RAD18: variants seen among roughly 807,000 people sequenced by gnomAD.
RAD18 encodes the protein E3 ubiquitin-protein ligase RAD18.
RAD18 carries 47 observed loss-of-function variants against 60.4 expected under a neutral mutation model. The ratio of observed to expected loss-of-function variants is 0.78; its 90% CI spans 0.62 to 0.99. The LOEUF (loss-of-function observed/expected upper bound fraction) is 0.99, where lower values mean the gene tolerates loss of function less well. Among genes scored for constraint, RAD18 ranks in the 50% least tolerant of loss-of-function variants. RAD18 has a pLI of 0.00. For synonymous variants in RAD18, 225 were observed against 195.5 expected (o/e 1.15, Z -1.26); for missense variants, 640 against 593.3 (o/e 1.08, Z -0.82).
At chr3:8,901,214 A>G (rs1465444974) in intron 10 of RAD18, among the ~76,000 whole-genome samples, 2 of 152,220 alleles carry the variant, frequency 1.3e-5, no homozygotes, top group African/African-American at 4.8e-5. Context: ...TGGAACCCTC[A>G]TGCTTCGCTG....
intron 11 of RAD18, among the ~76,000 whole-genome samples, chr3:8,894,936 T>C (rs1023276679): frequency 3.9e-5 from 6 of 151,976 alleles, no homozygotes; most frequent in Admixed American, 6.6e-5. Flanking sequence ...AATTTTTATA[T>C]TTTTAGTAAA....
chr3:8,905,499 T>A (rs138849614), intron 9 of RAD18, among the ~76,000 whole-genome samples: 51 of 152,290 alleles, frequency 3.3e-4, no homozygotes, highest in African/African-American at 1.2e-3. Flanking sequence ...CTGAGATACT[T>A]CTTCTACTTT....
At chr3:8,929,202 G>C (rs1205695246) in intron 7 of RAD18, among the ~76,000 whole-genome samples, 2 of 151,764 alleles carry the variant, frequency 1.3e-5, no homozygotes, top group East Asian at 1.9e-4. Flanking sequence ...TAAACCTAAA[G>C]TAAGTAGAAA....
rs370466033 is a variant in RAD18, at chr3:8,920,211, G to A, written c.890-6491C>T. 9.7e-4 allele frequency among the ~76,000 whole-genome samples: 146 copies of A among 151,054 alleles called. 1 individual carries two copies. The South Asian group carries it at 0.023, about 23-fold the overall frequency. ...GGAGAATGGCGTGAACCTGGGAGGC[G>A]GAGCTTGCAGTGAGCCGAGATCGTG... On this transcript the variant is annotated intron_variant, in intron 7 of 12. Coordinates refer to ENST00000264926, the MANE Select transcript of RAD18 (RefSeq NM_020165.4).
In RAD18 at chr3:8,941,455, A is replaced by G. The variant is rs751471295; in HGVS notation, c.604+12T>C. ...GATGTCCATATTTCCACATATGAAA[A>G]TAACTTCCTACCTTTAGTAACTTGT... On this transcript the variant is annotated intron_variant, in intron 5 of 12. Coordinates refer to ENST00000264926, the MANE Select transcript of RAD18 (RefSeq NM_020165.4). 2 of 1,557,786 alleles carry G rather than the reference A, an allele frequency of 1.3e-6. No homozygotes were observed. The highest frequency in any genetic ancestry group is 1.8e-6 in the Non-Finnish European group (2 of 1,139,156).
intron 9 of RAD18, 31 bp from the exon 10 acceptor site, chr3:8,902,551 T>C (rs750699762): frequency 2.7e-5 from 43 of 1,571,922 alleles, no homozygotes; most frequent in Admixed American, 3.7e-5. Flanking sequence ...TCAGTAAAGC[T>C]AGGACTATGA....
At chr3:8,945,340 A>G (rs962988511) in intron 4 of RAD18, among the ~76,000 whole-genome samples, 6 of 152,266 alleles carry the variant, frequency 3.9e-5, no homozygotes, top group African/African-American at 1.2e-4. Context: ...GCTTTGTTCA[A>G]CAAGAGACCA....
In RAD18 at chr3:8,915,851, G is replaced by A. The variant is rs530832831; in HGVS notation, c.890-2131C>T. 5.3e-5 allele frequency among the ~76,000 whole-genome samples: 8 copies of A among 152,216 alleles called. No homozygotes were observed. The South Asian group carries it at 1.7e-3, about 32-fold the overall frequency. On this transcript the variant is annotated intron_variant, in intron 7 of 12. Coordinates refer to ENST00000264926, the MANE Select transcript of RAD18 (RefSeq NM_020165.4). ...ACCCGCCTCGGCCTCCCAAAGTGCT[G>A]GGATTACAGGCGTGAGCCACCGCAC... is the stretch of plus-strand genomic sequence containing the variant.
At chr3:8,957,494 A>G (rs1941033486) in intron 2 of RAD18, among the ~76,000 whole-genome samples, 1 of 152,232 alleles carries the variant, frequency 6.6e-6, no homozygotes. Flanking sequence ...GCATATAAGC[A>G]TTTTAAAATA....
At chr3:8,922,249 C>T (rs748668789) in intron 7 of RAD18, among the ~76,000 whole-genome samples, 2 of 152,240 alleles carry the variant, frequency 1.3e-5, no homozygotes, top group African/African-American at 2.4e-5. Flanking sequence ...TACTACTGCA[C>T]TTCTCCAACG....
intron 7 of RAD18, chr3:8,931,363 G>A (rs947505929): frequency 1.3e-5 from 2 of 152,134 alleles, no homozygotes; most frequent in Non-Finnish European, 2.9e-5. Context: ...AAGTAAAGGA[G>A]GCCTAAAGAG....
intron 9 of RAD18, among the ~76,000 whole-genome samples, chr3:8,908,574 C>A (rs1940053213): frequency 6.6e-6 from 1 of 152,122 alleles, no homozygotes; most frequent in African/African-American, 2.4e-5. Flanking sequence ...GCCTCCAGAA[C>A]CCTGCTGACA....
intron 7 of RAD18, among the ~76,000 whole-genome samples, chr3:8,934,647 T>C (rs1046514986): frequency 3.3e-5 from 5 of 152,228 alleles, no homozygotes; most frequent in African/African-American, 1.2e-4. Context: ...TGTACATGAC[T>C]ACTGAATTTG....
intron 2 of RAD18, among the ~76,000 whole-genome samples, chr3:8,953,529 C>A (rs1247795932): frequency 6.6e-6 from 1 of 152,128 alleles, no homozygotes; most frequent in Non-Finnish European, 1.5e-5. Context: ...CTATGACAAC[C>A]CTTCCATTCA....
Position 8,902,473 on chromosome 3 carries a change from T to C in RAD18, c.1075A>G (p.Lys359Glu), listed in dbSNP as rs986399038. 3 of 1,609,366 alleles carry C rather than the reference T, an allele frequency of 1.9e-6. No individual in the cohort carries two copies. The East Asian group carries it at 6.7e-5, about 36-fold the overall frequency. Reference sequence around the variant, plus strand: ...ATTCCAGCAATTTTCTTGTATCCTTTTCTAGCCTGATCCACCAGAAGCTGA... The same window carrying C: ...ATTCCAGCAATTTTCTTGTATCCTTCTCTAGCCTGATCCACCAGAAGCTGA... The part of the protein sequence containing the change: ...EFQLLVDQAR[K>E]GYKKIAGMSQ... Residue 359 changes from lysine (K) to glutamate (E), a missense_variant, in exon 10 of 13, where the codon AAA (lysine) becomes GAA (glutamate). By Grantham distance (56) the Lys-to-Glu change is moderately conservative. Coordinates refer to ENST00000264926, the MANE Select transcript of RAD18 (RefSeq NM_020165.4).
intron 2 of RAD18, among the ~76,000 whole-genome samples, chr3:8,952,921 A>C (rs1940949515): frequency 6.6e-6 from 1 of 152,304 alleles, no homozygotes; most frequent in Admixed American, 6.5e-5. Context: ...ATCCCGATAA[A>C]CCCATCATAA....
intron 11 of RAD18, among the ~76,000 whole-genome samples, chr3:8,891,075 A>AATATATATATAT (rs71049753): frequency 0.047 from 1,203 of 25,774 alleles, 13 homozygotes; most frequent in African/African-American, 0.084. Context: ...ATATATATAA[A>AATATATATATAT]ATATATATAT....
chr3:8,918,429 T>C lies in RAD18; in HGVS notation c.890-4709A>G, dbSNP rs182660373. On this transcript the variant is annotated intron_variant, in intron 7 of 12. Transcript: ENST00000264926. ...CCCTAAAACAGAAATTTAAAATACATTAAAAAGTATTTCTTCTTCCAAACA... is the reference window on the plus strand; with the variant it reads ...CCCTAAAACAGAAATTTAAAATACACTAAAAAGTATTTCTTCTTCCAAACA... Among the ~76,000 whole-genome samples, 91 of 151,924 alleles carry C rather than the reference T, an allele frequency of 6.0e-4. No homozygotes were observed. The South Asian group carries it at 6.5e-3, about 11-fold the overall frequency.
intron 12 of RAD18, among the ~76,000 whole-genome samples, chr3:8,888,243 T>G (rs941581875): frequency 6.6e-6 from 1 of 152,200 alleles, no homozygotes; most frequent in African/African-American, 2.4e-5. Context: ...TGAAACAAGT[T>G]TTCCTGAGCC....
Sources: gnomAD v4.1 joint callset for allele counts (sites outside exome capture counted in the v4.1 genomes callset) on GRCh38, gnomAD v4.1.1 for gene constraint, MANE v1.5 for transcripts, NCBI Gene and HGNC (gene_info 2026-07-23, HGNC 2026-07-21) for gene names.